The following ARL10 variants were observed in gnomAD, a reference collection of about 807,000 sequenced individuals.
ARL10 encodes ADP-ribosylation factor-like protein 10.
In ARL10, 23 loss-of-function variants were observed where a neutral mutation model predicts 26.1. The ratio of observed to expected loss-of-function variants is 0.88; its 90% CI spans 0.63 to 1.25. ARL10 has a LOEUF of 1.25. ARL10 is among the 50% of genes most tolerant of loss of function. The probability of loss-of-function intolerance (pLI) is 0.00; values close to 1 mark genes in which losing one functional copy is unlikely to be tolerated. For missense variants in ARL10, 300 were observed against 323.6 expected, an observed-to-expected ratio of 0.93 and a Z score of 0.56; for synonymous variants, 138 against 149.1, an observed-to-expected ratio of 0.93 and a Z score of 0.54.
At chr5:176,396,581 C>A (rs776492275) in intron 1 of ARL10, 1 of 1,357,370 alleles carries the variant, frequency 7.4e-7, no homozygotes, top group Non-Finnish European at 1.1e-6. Context: ...AGGCAGATGG[C>A]AAGACAGACA....
chr5:176,396,941 CT>C (rs1215990589), intron 1 of ARL10, among the ~76,000 whole-genome samples: 2 of 152,018 alleles, frequency 1.3e-5, no homozygotes, highest in Admixed American at 1.3e-4. Flanking sequence ...GAATGCCCCC[CT>C]ACCTCCTGCC....
downstream of ARL10, among the ~76,000 whole-genome samples, chr5:176,403,185 G>C (rs1756914194): frequency 6.6e-6 from 1 of 151,644 alleles, no homozygotes; most frequent in Non-Finnish European, 1.5e-5. Context: ...AAGTAGGTGG[G>C]ATTACAGGCA....
intron 2 of ARL10, 66 bp downstream of exon 2, chr5:176,366,647 G>C: frequency 6.4e-7 from 1 of 1,563,152 alleles, no homozygotes; most frequent in African/African-American, 1.4e-5. Flanking sequence ...TCTCTGCAGG[G>C]AAGGGGGCTT....
chr5:176,376,520 T>G lies in ARL10; in HGVS notation c.*4625T>G, dbSNP rs757473531. 2 of 152,228 alleles carry G rather than the reference T, an allele frequency of 1.3e-5. No homozygotes were observed. The highest frequency in any genetic ancestry group is 6.5e-5 in the Admixed American group (1 of 15,284). 9.4% of individuals were successfully genotyped at this position (152,228 alleles called of 1,614,324 possible). A position where few individuals can be genotyped will look rare whatever the true frequency, so the allele number is the denominator to read the frequency against. ...GGAACTCCAGTTTCTTGCTAGAGCA[T>G]TAGCCTTTGCTAAAGCCGGCCCCAG... On this transcript the variant is annotated 3_prime_UTR_variant, in exon 4 of 4. Coordinates refer to ENST00000310389, the MANE Select transcript of ARL10 (RefSeq NM_173664.6).
chr5:176,369,140 T>A (rs1483471983), intron 3 of ARL10, 158 bp downstream of exon 3: 5 of 1,534,960 alleles, frequency 3.3e-6, no homozygotes, highest in Non-Finnish European at 3.5e-6. Context: ...CCTGCCTCTG[T>A]CTTCCTTCCT....
Position 176,365,905 on chromosome 5 carries a change from C to T in ARL10, c.183+159C>T, listed in dbSNP as rs1056273703. Among the ~76,000 whole-genome samples the T allele has an allele frequency of 3.7e-4, 57 of 152,156 alleles. 1 individual carries two copies. The highest frequency in any genetic ancestry group is 2.0e-4 in the Admixed American group (3 of 15,286). ...AGCGCACAGGCCCCGCGCGGGTGGG[C>T]GGTCAGAGCCCGGGAACCGAGGAAC... On this transcript the variant is annotated intron_variant, in intron 1 of 3. Coordinates refer to ENST00000310389, the MANE Select transcript of ARL10 (RefSeq NM_173664.6).
the ARL10 span, chr5:176,410,187 CAAT>C: frequency 1.5e-6 from 2 of 1,326,994 alleles, no homozygotes; most frequent in East Asian, 2.3e-5. Context: ...AAGCCTACAA[CAAT>C]GAGGCTTTAG....
chr5:176,388,517 G>A, exon 2 of ARL10: 1 of 1,613,404 alleles, frequency 6.2e-7, no homozygotes, highest in Non-Finnish European at 8.5e-7. Context: ...CTGCCTCCGG[G>A]TTTTGCCCTT....
At chr5:176,413,902 G>A in the ARL10 span, among the ~76,000 whole-genome samples, 437 of 152,248 alleles carry the variant, frequency 2.9e-3, 6 homozygotes, top group East Asian at 0.017. Flanking sequence ...CTGTATCCCC[G>A]GCACCTCCCT....
chr5:176,373,043 C>T lies in ARL10; in HGVS notation c.*1148C>T. On this transcript the variant is annotated 3_prime_UTR_variant, in exon 4 of 4. Transcript: ENST00000310389. ...GGATTCACATGAACTGAAACGCCAC[C>T]ACTTGGCCCAGGATGTTGAAAGGGT... 1 of 398,596 alleles carries T rather than the reference C, an allele frequency of 2.5e-6. No homozygotes were observed. The allele number at this position is 398,596 out of a possible 1,614,324, so 24.7% of individuals were successfully genotyped here. A position where few individuals can be genotyped will look rare whatever the true frequency, so the allele number is the denominator to read the frequency against.
Position 176,380,474 on chromosome 5 carries a change from T to G in ARL10, c.*8579T>G, listed in dbSNP as rs1489193813. 3 of 146,632 alleles carry G rather than the reference T, an allele frequency of 2.0e-5. No individual in the cohort carries two copies. The highest frequency in any genetic ancestry group is 2.2e-4 in the South Asian group (1 of 4,488). 9.1% of individuals were successfully genotyped at this position (146,632 alleles called of 1,614,324 possible). A position where few individuals can be genotyped will look rare whatever the true frequency, so the allele number is the denominator to read the frequency against. On this transcript the variant is annotated 3_prime_UTR_variant, in exon 4 of 4. Transcript: ENST00000310389. ...AGTTCTGGGTCCATAATTTTGGTTT[T>G]TTTTTTTTTTTTTTTTTGAGACAGA...
the ARL10 span, among the ~76,000 whole-genome samples, chr5:176,412,378 T>C: frequency 6.6e-6 from 1 of 152,082 alleles, no homozygotes; most frequent in Non-Finnish European, 1.5e-5. Context: ...CCAGGGTCCG[T>C]GTGTACCCCC....
At chr5:176,404,209 G>C (rs1319133234), downstream of ARL10, among the ~76,000 whole-genome samples, 2 of 152,174 alleles carry the variant, frequency 1.3e-5, no homozygotes, top group African/African-American at 4.8e-5. Context: ...CTTCTGTGAC[G>C]CATAGTTTGT....
chr5:176,397,865 G>C (rs1255445405), intron 1 of ARL10: 2 of 1,497,534 alleles, frequency 1.3e-6, no homozygotes, highest in African/African-American at 2.8e-5. Flanking sequence ...TGCACTCCGA[G>C]GACTCCCCAC....
At chr5:176,397,847 G>C in intron 1 of ARL10, 1 of 1,451,950 alleles carries the variant, frequency 6.9e-7, no homozygotes, top group Non-Finnish European at 9.7e-7. Context: ...AAGGCATGCA[G>C]CATCCCATGC....
the ARL10 span, chr5:176,410,431 G>A: frequency 1.5e-6 from 1 of 670,910 alleles, no homozygotes; most frequent in East Asian, 2.8e-5. Context: ...CATGCAAACA[G>A]ACATAATGGA....
chr5:176,403,579 C>G (rs1756950489), downstream of ARL10, among the ~76,000 whole-genome samples: 1 of 151,680 alleles, frequency 6.6e-6, no homozygotes, highest in South Asian at 2.1e-4. Context: ...TCAGCCTCCC[C>G]AGTTGCTGAG....
chr5:176,385,159 G>C (rs760427774), downstream of ARL10: 3 of 912,898 alleles, frequency 3.3e-6, no homozygotes, highest in Middle Eastern at 2.4e-4. Flanking sequence ...TGCGCAAGCA[G>C]ATCAAGCCGC....
At chr5:176,389,106 G>T, downstream of ARL10, 1 of 1,266,880 alleles carries the variant, frequency 7.9e-7, no homozygotes, top group Non-Finnish European at 1.1e-6. Context: ...GCGGGGCGGT[G>T]AGGGGCGAAA....
Sources: gnomAD v4.1 joint callset for allele counts (sites outside exome capture counted in the v4.1 genomes callset) on GRCh38, gnomAD v4.1.1 for gene constraint, MANE v1.5 for transcripts, NCBI Gene and HGNC (gene_info 2026-07-23, HGNC 2026-07-21) for gene names.